Variants in KIRREL3 observed in about 807,000 individuals in gnomAD.
The protein encoded by KIRREL3 is kirre like nephrin family adhesion molecule 3.
A neutral mutation model predicts 89.7 loss-of-function variants in KIRREL3; 36 were observed. The observed-to-expected ratio is 0.40, with a 90% CI of 0.31 to 0.53. The LOEUF is 0.53. Ranked by LOEUF, KIRREL3 falls within the 20% of genes least tolerant of loss-of-function variation. The pLI is 0.49. For missense variants in KIRREL3, 864 were observed against 1,056.6 expected, an observed-to-expected ratio of 0.82 and a Z score of 2.53; for synonymous variants, 445 against 441.4, an observed-to-expected ratio of 1.01 and a Z score of -0.10.
rs980402432 is a variant in KIRREL3, at chr11:126,860,532, G to T, written c.55+139923C>A. 6.6e-6 allele frequency among the ~76,000 whole-genome samples: 1 copy of T among 152,216 alleles called. No homozygotes were observed. The highest frequency in any genetic ancestry group is 2.4e-5 in the African/African-American group (1 of 41,460). On this transcript the variant is annotated intron_variant, in intron 1 of 16. Transcript: ENST00000525144. This position sits in a 1 kb window ranked among gnomAD's most constrained non-coding sequence, Gnocchi z 4.6. ...ATGACCTTCTCAAGACGTAGTGATT[G>T]CTCTGGGTGTGGCCAGGCAGCAGGC...
chr11:126,701,053 C>T (rs1441137218), intron 1 of KIRREL3, among the ~76,000 whole-genome samples: 1 of 152,232 alleles, frequency 6.6e-6, no homozygotes, highest in Non-Finnish European at 1.5e-5. Context: ...ACGTCAGTGT[C>T]TCTTTGCAGA....
At chr11:126,600,048 G>C (rs182556939) in intron 1 of KIRREL3, among the ~76,000 whole-genome samples, 3 of 152,196 alleles carry the variant, frequency 2.0e-5, no homozygotes, top group Non-Finnish European at 2.9e-5. Context: ...AGACTAGTTT[G>C]CGTGTTCTGT....
chr11:126,671,951 C>T (rs188893789), intron 1 of KIRREL3, among the ~76,000 whole-genome samples: 11 of 152,292 alleles, frequency 7.2e-5, no homozygotes, highest in African/African-American at 1.9e-4. Context: ...TGAAAACTTA[C>T]GTGCACACAA....
chr11:126,869,456 G>A lies in KIRREL3; in HGVS notation c.55+130999C>T, dbSNP rs552578948. ...TGAGTTACTGGCACTGGAATTGCAG[G>A]GTCTATTTCTGGGCGACTGAAAGTA... On this transcript the variant is annotated intron_variant, in intron 1 of 16. Coordinates refer to ENST00000525144, the MANE Select transcript of KIRREL3 (RefSeq NM_032531.4). 4.6e-5 allele frequency among the ~76,000 whole-genome samples: 7 copies of A among 152,140 alleles called. No individual in the cohort carries two copies. In the East Asian group the frequency reaches 1.4e-3, roughly 29 times the overall value.
rs562711774 is a variant in KIRREL3, at chr11:126,427,205, G to C, written c.1807-1481C>G. ...AGACGTCATCCCTTCTCACATCTAG[G>C]CTGTGGTTTCCTCCCTCGTAAAACT... On this transcript the variant is annotated intron_variant, in intron 15 of 16. Coordinates refer to ENST00000525144, the MANE Select transcript of KIRREL3 (RefSeq NM_032531.4). This position sits in a 1 kb window ranked among gnomAD's most constrained non-coding sequence, Gnocchi z 5.3. Among the ~76,000 whole-genome samples, 1 of 152,280 alleles carries C rather than the reference G, an allele frequency of 6.6e-6. No individual in the cohort carries two copies. The highest frequency in any genetic ancestry group is 2.1e-4 in the South Asian group (1 of 4,822).
chr11:126,949,788 A>G (rs946239344), intron 1 of KIRREL3, among the ~76,000 whole-genome samples: 1 of 152,216 alleles, frequency 6.6e-6, no homozygotes, highest in East Asian at 1.9e-4. Flanking sequence ...AAGGGCTGCT[A>G]AGAATGGCAG....
intron 1 of KIRREL3, among the ~76,000 whole-genome samples, chr11:126,702,842 C>G (rs2134122277): frequency 6.6e-6 from 1 of 152,318 alleles, no homozygotes; most frequent in Non-Finnish European, 1.5e-5. Context: ...GAAAGACCAA[C>G]AGGACTGGGT....
chr11:126,965,725 G>T lies in KIRREL3; in HGVS notation c.55+34730C>A, dbSNP rs619086. On this transcript the variant is annotated intron_variant, in intron 1 of 16. Transcript: ENST00000525144. The surrounding 1 kb of genome is among the most constrained non-coding windows in gnomAD (Gnocchi z 4.4). ...TTATTTCCTTCTGACTTTGGAGTGC[G>T]TTATTTTCCCGTGTTTTACGTTGGC... Among the ~76,000 whole-genome samples, 1 of 151,926 alleles carries T rather than the reference G, an allele frequency of 6.6e-6. No homozygotes were observed. Among genetic ancestry groups the T allele is most frequent in the Non-Finnish European group, 1.5e-5 (1 of 67,966 alleles).
At chr11:126,663,451 C>G (rs764013863) in intron 1 of KIRREL3, among the ~76,000 whole-genome samples, 15 of 152,140 alleles carry the variant, frequency 9.9e-5, no homozygotes, top group Non-Finnish European at 1.8e-4. Flanking sequence ...TCCCAACGTG[C>G]TGGGATTACA....
At chr11:126,604,168 C>A (rs991623023) in intron 1 of KIRREL3, among the ~76,000 whole-genome samples, 1 of 152,188 alleles carries the variant, frequency 6.6e-6, no homozygotes, top group East Asian at 1.9e-4. Flanking sequence ...TAAGCAATAG[C>A]TTCTGTCCTT....
At chr11:126,592,244 C>A (rs1238569908) in intron 1 of KIRREL3, among the ~76,000 whole-genome samples, 6 of 152,134 alleles carry the variant, frequency 3.9e-5, no homozygotes, top group Non-Finnish European at 8.8e-5. Flanking sequence ...TATAACAACA[C>A]AATACTATAA....
In KIRREL3 at chr11:126,946,016, G is replaced by A. The variant is rs1948611364; in HGVS notation, c.55+54439C>T. 6.6e-6 allele frequency among the ~76,000 whole-genome samples: 1 copy of A among 152,148 alleles called. No individual in the cohort carries two copies. Among genetic ancestry groups the A allele is most frequent in the South Asian group, 2.1e-4 (1 of 4,828 alleles). The stretch of plus-strand genomic sequence containing the variant: ...CCTGGATGGAAGTCCTGTGGTGACT[G>A]CTGCTCCATCTGAGCCCCTTAAAAT... On this transcript the variant is annotated intron_variant, in intron 1 of 16. Transcript: ENST00000525144. This position sits in a 1 kb window ranked among gnomAD's most constrained non-coding sequence, Gnocchi z 4.1.
chr11:126,737,428 G>A (rs1189507350), intron 1 of KIRREL3, among the ~76,000 whole-genome samples: 2 of 152,202 alleles, frequency 1.3e-5, no homozygotes, highest in Non-Finnish European at 2.9e-5. Context: ...TGCCCGGGCA[G>A]TCTCCACAGT....
chr11:126,835,971 C>T (rs1005161887), intron 1 of KIRREL3, among the ~76,000 whole-genome samples: 15 of 152,216 alleles, frequency 9.9e-5, no homozygotes, highest in African/African-American at 3.4e-4. Flanking sequence ...TAAGCTGCCC[C>T]GTCTTTGACG....
intron 1 of KIRREL3, among the ~76,000 whole-genome samples, chr11:126,880,803 G>C (rs565824759): frequency 6.6e-6 from 1 of 152,252 alleles, no homozygotes; most frequent in East Asian, 1.9e-4. Context: ...CCCTGGGAAG[G>C]GATATTGTGT....
Position 126,655,472 on chromosome 11 carries a change from T to A in KIRREL3, c.56-92560A>T, listed in dbSNP as rs1350592500. ...TCCACTCCCCCCACAAACAACTGAATTTGGAAGGTTAAAAATCACTTCACT... is the reference window on the plus strand; with the variant it reads ...TCCACTCCCCCCACAAACAACTGAAATTGGAAGGTTAAAAATCACTTCACT... On this transcript the variant is annotated intron_variant, in intron 1 of 16. Transcript: ENST00000525144. The surrounding 1 kb of genome is among the most constrained non-coding windows in gnomAD (Gnocchi z 5.0). Among the ~76,000 whole-genome samples the A allele has an allele frequency of 1.3e-5, 2 of 152,054 alleles. No individual in the cohort carries two copies. Among genetic ancestry groups the A allele is most frequent in the East Asian group, 3.9e-4 (2 of 5,178 alleles).
rs1445216831 is a variant in KIRREL3 at position 126,522,916 on chromosome 11, G to C, written c.284-1452C>G. Among the ~76,000 whole-genome samples, 2 of 152,230 alleles carry C rather than the reference G, an allele frequency of 1.3e-5. No homozygotes were observed. Among genetic ancestry groups the C allele is most frequent in the African/African-American group, 4.8e-5 (2 of 41,462 alleles). On this transcript the variant is annotated intron_variant, in intron 3 of 16. Transcript: ENST00000525144. This position sits in a 1 kb window ranked among gnomAD's most constrained non-coding sequence, Gnocchi z 6.0. ...CAGGGAGTGTTCTCAGACGGGTGCT[G>C]TAGGAGGATGAGACGGGACACATTC... is the stretch of plus-strand genomic sequence containing the variant.
rs554859325 is a variant in KIRREL3 at position 126,843,097 on chromosome 11, C to T, written c.55+157358G>A. On this transcript the variant is annotated intron_variant, in intron 1 of 16. Transcript: ENST00000525144. This position sits in a 1 kb window ranked among gnomAD's most constrained non-coding sequence, Gnocchi z 4.6. ...GGGGCTGGCTCACATTTCTATATAA[C>T]AGTGTCCTCGTTCTCACCTGCCCTT... Among the ~76,000 whole-genome samples the T allele has an allele frequency of 1.3e-5, 2 of 152,186 alleles. No individual in the cohort carries two copies. The highest frequency in any genetic ancestry group is 2.9e-5 in the Non-Finnish European group (2 of 68,030).
intron 6 of KIRREL3, among the ~76,000 whole-genome samples, chr11:126,460,493 G>A (rs1956506376): frequency 6.6e-6 from 1 of 152,198 alleles, no homozygotes; most frequent in African/African-American, 2.4e-5. Context: ...TTCAAAGCAG[G>A]AAGAATGCTG....
Sources: gnomAD v4.1 joint callset for allele counts (sites outside exome capture counted in the v4.1 genomes callset) on GRCh38, gnomAD v4.1.1 for gene constraint, Gnocchi (gnomAD v3.1) non-coding constraint, MANE v1.5 for transcripts, NCBI Gene and HGNC (gene_info 2026-07-23, HGNC 2026-07-21) for gene names.